MKKS: variants seen among roughly 807,000 people sequenced by gnomAD.
MKKS encodes MKKS centrosomal shuttling protein.
MKKS carries 29 observed loss-of-function variants against 33.2 expected under a neutral mutation model. That is an observed-to-expected ratio of 0.87 (90% confidence interval 0.65 to 1.19). The LOEUF is 1.19. Ranked by LOEUF, MKKS falls within the 50% of genes most tolerant of loss-of-function variation. MKKS has a pLI of 0.00. For synonymous variants in MKKS, 260 were observed against 244.0 expected, an observed-to-expected ratio of 1.07 and a Z score of -0.61; for missense variants, 661 against 662.3, an observed-to-expected ratio of 1.00 and a Z score of 0.02.
In MKKS at chr20:10,407,738, C is replaced by A. The variant is rs765896152; in HGVS notation, c.1162-12G>T. On this transcript the variant is annotated splice_polypyrimidine_tract_variant and intron_variant, in intron 4 of 5. Coordinates refer to ENST00000347364, the MANE Select transcript of MKKS (RefSeq NM_170784.3). ...GTCTGACACGTGAGCTAAGAAAAAA[C>A]CCAAATCATCAGAATCAGACGTTCA... 8 of 1,597,640 alleles carry A rather than the reference C, an allele frequency of 5.0e-6. No individual in the cohort carries two copies. The South Asian group carries it at 7.8e-5, about 15-fold the overall frequency.
intron 3 of MKKS, among the ~76,000 whole-genome samples, chr20:10,410,157 T>C (rs181638812): frequency 1.3e-5 from 2 of 152,200 alleles, no homozygotes; most frequent in African/African-American, 4.8e-5. Flanking sequence ...CAAAATCTTA[T>C]AGTATAATTT....
chr20:10,407,748 C>T, intron 4 of MKKS, 22 bp from the exon 5 acceptor site: 1 of 1,553,120 alleles, frequency 6.4e-7, no homozygotes, highest in Non-Finnish European at 8.9e-7. Context: ...CCCAAATCAT[C>T]AGAATCAGAC....
chr20:10,416,361 T>C (rs1201933559), intron 2 of MKKS, among the ~76,000 whole-genome samples: 1 of 152,136 alleles, frequency 6.6e-6, no homozygotes, highest in East Asian at 1.9e-4. Flanking sequence ...CTGGGGTCCT[T>C]TTCTGCCCAA....
At chr20:10,408,880 C>T in intron 3 of MKKS, 77 bp from the exon 4 acceptor site, 1 of 1,139,486 alleles carries the variant, frequency 8.8e-7, no homozygotes, top group Middle Eastern at 2.9e-4. Flanking sequence ...TATATTTATT[C>T]CTAGCCAACA....
Position 10,413,837 on chromosome 20 carries a change from T to C in MKKS, c.-323A>G, listed in dbSNP as rs1378094242. On this transcript the variant is annotated 5_prime_UTR_variant, in exon 3 of 6. The change creates a new upstream start codon in the 5' untranslated region. Transcript: ENST00000347364. ...TTCCAAGATGGACACCTATGAAAGA[T>C]ATCCCAGCTACAAGAAGCCAGTTCT... 2.2e-6 allele frequency: 1 copy of C among 456,916 alleles called. No homozygotes were observed. The highest frequency in any genetic ancestry group is 3.9e-6 in the Non-Finnish European group (1 of 259,508). 28.3% of individuals were successfully genotyped at this position (456,916 alleles called of 1,614,324 possible). A position where few individuals can be genotyped will look rare whatever the true frequency, so the allele number is the denominator to read the frequency against.
chr20:10,405,785 T>C lies in MKKS; in HGVS notation c.1273-98A>G, dbSNP rs2064839405. 18 of 1,165,826 alleles carry C rather than the reference T, an allele frequency of 1.5e-5. 1 individual carries two copies. In the South Asian group the frequency reaches 2.4e-4, roughly 16 times the overall value. The allele number at this position is 1,165,826 out of a possible 1,614,324, so 72.2% of individuals were successfully genotyped here. A position where few individuals can be genotyped will look rare whatever the true frequency, so the allele number is the denominator to read the frequency against. ...TGAAATCAAAATCTTATTCCTAAAG[T>C]AATTACTTACTTTCATTTAATTTGG... is the stretch of plus-strand genomic sequence containing the variant. On this transcript the variant is annotated intron_variant, in intron 5 of 5. Coordinates refer to ENST00000347364, the MANE Select transcript of MKKS (RefSeq NM_170784.3).
At chr20:10,418,398 T>A (rs537211265) in intron 2 of MKKS, among the ~76,000 whole-genome samples, 9 of 152,214 alleles carry the variant, frequency 5.9e-5, no homozygotes, top group Non-Finnish European at 1.3e-4. Context: ...TTGAGGCATG[T>A]ATGTAATTTT....
At chr20:10,423,988 T>TG (rs150791386) in intron 1 of MKKS, among the ~76,000 whole-genome samples, 20,481 of 152,194 alleles carry the variant, frequency 0.13, 1,500 homozygotes, top group East Asian at 0.24. Flanking sequence ...ATTTGGCTAA[T>TG]GGGGGTGAGA....
At chr20:10,431,364 C>G (rs1041708633) in intron 1 of MKKS, among the ~76,000 whole-genome samples, 1 of 152,006 alleles carries the variant, frequency 6.6e-6, no homozygotes, top group Non-Finnish European at 1.5e-5. Context: ...TAATTCTATC[C>G]AAATGCTCAC....
intron 3 of MKKS, among the ~76,000 whole-genome samples, chr20:10,409,068 C>T (rs1487349148): frequency 2.0e-5 from 3 of 152,078 alleles, no homozygotes; most frequent in African/African-American, 7.2e-5. Flanking sequence ...GTACTGTCTT[C>T]CCAGAAAAGG....
intron 1 of MKKS, among the ~76,000 whole-genome samples, chr20:10,431,520 G>C (rs904346615): frequency 3.5e-5 from 5 of 140,868 alleles, no homozygotes; most frequent in African/African-American, 1.2e-4. Context: ...ATGCTGTATA[G>C]GGTCAAAAAA....
intron 3 of MKKS, among the ~76,000 whole-genome samples, chr20:10,411,126 A>C (rs2064882757): frequency 6.6e-6 from 1 of 151,412 alleles, no homozygotes; most frequent in Non-Finnish European, 1.5e-5. Flanking sequence ...AGCTGGGATT[A>C]CAAGTGCGGC....
In MKKS at chr20:10,407,531, T is replaced by C. The variant is rs1279799140; in HGVS notation, c.1272+85A>G. 6 of 1,116,972 alleles carry C rather than the reference T, an allele frequency of 5.4e-6. No homozygotes were observed. In the East Asian group the frequency reaches 7.6e-5, roughly 14 times the overall value. 69.2% of individuals were successfully genotyped at this position (1,116,972 alleles called of 1,614,324 possible). On this transcript the variant is annotated intron_variant, in intron 5 of 5. Coordinates refer to ENST00000347364, the MANE Select transcript of MKKS (RefSeq NM_170784.3). ...AAAGTTAAAACTAACAAAAAGACTATAGGATATTATGATTTTGGCTTATTA... is the reference window on the plus strand; with the variant it reads ...AAAGTTAAAACTAACAAAAAGACTACAGGATATTATGATTTTGGCTTATTA...
chr20:10,412,499 G>A (rs1384336276), intron 3 of MKKS, 31 bp downstream of exon 3: 1 of 1,608,222 alleles, frequency 6.2e-7, no homozygotes, highest in Non-Finnish European at 8.5e-7. Context: ...TTTATTAACT[G>A]TAAGAGGCAA....
chr20:10,418,627 A>C (rs2064957862), intron 2 of MKKS, among the ~76,000 whole-genome samples: 1 of 152,044 alleles, frequency 6.6e-6, no homozygotes, highest in Non-Finnish European at 1.5e-5. Context: ...CTCTTACTAC[A>C]TTCACCTAAC....
In MKKS at chr20:10,413,827, C is replaced by T. The variant is rs927072377; in HGVS notation, c.-313G>A. The T allele has an allele frequency of 3.2e-5, 15 of 472,280 alleles. No individual in the cohort carries two copies. The highest frequency in any genetic ancestry group is 4.8e-5 in the Non-Finnish European group (13 of 268,530). 29.3% of individuals were successfully genotyped at this position (472,280 alleles called of 1,614,324 possible). A position where few individuals can be genotyped will look rare whatever the true frequency, so the allele number is the denominator to read the frequency against. On this transcript the variant is annotated 5_prime_UTR_variant, in exon 3 of 6. Transcript: ENST00000347364. ...AAAAAGTATGTTCCAAGATGGACAC[C>T]TATGAAAGATATCCCAGCTACAAGA...
In MKKS at chr20:10,412,859, A is replaced by G; in HGVS notation, c.656T>C (p.Leu219Pro). ...VIDSTVLPGI[L>P]IEMSEVQLMR... ...TAATTGAACTTCTGACATTTCAATG[A>G]GTATCCCAGGTAATACAGTGGAATC... The change falls in exon 3 of 6, where the codon CTC becomes CCC. Residue 219 changes from leucine to proline, a missense_variant. Transcript: ENST00000347364. 6.2e-7 allele frequency: 1 copy of G among 1,614,162 alleles called. No individual in the cohort carries two copies. The highest frequency in any genetic ancestry group is 8.5e-7 in the Non-Finnish European group (1 of 1,180,000).
rs1039660572 is a variant in MKKS, at chr20:10,403,689, T to A, written c.*1558A>T. ...CCACAAAGCTGGGAAATGGGAGACA[T>A]AAAGGAGTCACTAAGTCTAGCCCAT... On this transcript the variant is annotated 3_prime_UTR_variant, in exon 6 of 6. Transcript: ENST00000347364. The A allele has an allele frequency of 3.3e-5, 5 of 152,160 alleles. No homozygotes were observed. The highest frequency in any genetic ancestry group is 7.3e-5 in the Non-Finnish European group (5 of 68,080). 9.4% of individuals were successfully genotyped at this position (152,160 alleles called of 1,614,324 possible). A position where few individuals can be genotyped will look rare whatever the true frequency, so the allele number is the denominator to read the frequency against.
rs564126891 is a variant in MKKS at position 10,416,464 on chromosome 20, GACA to G, written c.-417-2536_-417-2534del. 2.0e-5 allele frequency among the ~76,000 whole-genome samples: 3 copies of G among 151,812 alleles called. No homozygotes were observed. The East Asian group carries it at 5.8e-4, about 29-fold the overall frequency. ...TCAACTTGGAGAGGATCCAAAATGG[GACA>G]ACTTTAGCATTAAAAAAAAACATGA... On this transcript the variant is annotated intron_variant, in intron 2 of 5. Transcript: ENST00000347364.
Sources: gnomAD v4.1 joint callset for allele counts (sites outside exome capture counted in the v4.1 genomes callset) on GRCh38, gnomAD v4.1.1 for gene constraint, MANE v1.5 for transcripts, NCBI Gene and HGNC (gene_info 2026-07-23, HGNC 2026-07-21) for gene names.